The following PIP5K1B variants were observed in gnomAD, a reference collection of about 807,000 sequenced individuals.
PIP5K1B encodes the protein phosphatidylinositol-4-phosphate 5-kinase type 1 beta.
In PIP5K1B, 42 loss-of-function variants were observed where a neutral mutation model predicts 67.0. That is an observed-to-expected ratio of 0.63 (90% CI 0.49 to 0.81). The LOEUF is 0.81. Ranked by LOEUF, PIP5K1B falls within the 30% of genes least tolerant of loss-of-function variation. The pLI, the probability that PIP5K1B is intolerant of heterozygous loss-of-function variation, is 0.00. For synonymous variants in PIP5K1B, 214 were observed against 231.4 expected (o/e 0.92, Z 0.68); for missense variants, 459 against 646.3 (o/e 0.71, Z 3.14).
Position 68,919,731 on chromosome 9 carries a change from T to A in PIP5K1B, c.1116+2T>A, listed in dbSNP as rs1826271342. ...TGGAAAGCTCTTGTTTATGATGGGG[T>A]AAGTGACTTATTTTCCTTATTATAC... is the stretch of plus-strand genomic sequence containing the variant. On this transcript the variant is annotated splice_donor_variant, in intron 11 of 15. Coordinates refer to ENST00000265382, the MANE Select transcript of PIP5K1B (RefSeq NM_003558.4). LOFTEE classifies it high-confidence loss of function. 1 of 1,522,666 alleles carries A rather than the reference T, an allele frequency of 6.6e-7. No individual in the cohort carries two copies. The highest frequency in any genetic ancestry group is 9.1e-7 in the Non-Finnish European group (1 of 1,098,626). 94.3% of individuals were successfully genotyped at this position (1,522,666 alleles called of 1,614,324 possible).
intron 4 of PIP5K1B, among the ~76,000 whole-genome samples, chr9:68,855,866 G>A (rs1021060044): frequency 6.6e-6 from 1 of 152,190 alleles, no homozygotes; most frequent in Admixed American, 6.5e-5. Context: ...TCTTGCTTCT[G>A]AGTTCTTCAA....
At chr9:68,949,578 A>G (rs1328765871) in intron 14 of PIP5K1B, among the ~76,000 whole-genome samples, 1 of 152,256 alleles carries the variant, frequency 6.6e-6, no homozygotes, top group African/African-American at 2.4e-5. Flanking sequence ...AGTAAGGAGA[A>G]CAGGACCTCA....
chr9:68,899,671 C>T (rs1288975604), intron 8 of PIP5K1B, among the ~76,000 whole-genome samples: 1 of 152,222 alleles, frequency 6.6e-6, no homozygotes, highest in Non-Finnish European at 1.5e-5. Flanking sequence ...GGTTGTCCTC[C>T]TATCAAGAGT....
intron 2 of PIP5K1B, among the ~76,000 whole-genome samples, chr9:68,745,946 T>G (rs183721595): frequency 4.6e-5 from 7 of 152,344 alleles, no homozygotes; most frequent in African/African-American, 7.2e-5. Flanking sequence ...AAAATTCATG[T>G]CTGTTTTATT....
At chr9:68,840,213 C>T (rs1211168623) in intron 4 of PIP5K1B, among the ~76,000 whole-genome samples, 1 of 152,022 alleles carries the variant, frequency 6.6e-6, no homozygotes, top group African/African-American at 2.4e-5. Context: ...CCCGTCTCTA[C>T]TAAAAATACA....
intron 12 of PIP5K1B, among the ~76,000 whole-genome samples, chr9:68,933,357 G>T (rs946290898): frequency 1.1e-4 from 17 of 152,106 alleles, no homozygotes; most frequent in African/African-American, 4.1e-4. Flanking sequence ...GACAATAATG[G>T]CTTCTTCCTT....
At chr9:68,903,276 T>C (rs1043233757) in intron 8 of PIP5K1B, among the ~76,000 whole-genome samples, 20 of 152,214 alleles carry the variant, frequency 1.3e-4, no homozygotes, top group African/African-American at 4.8e-4. Context: ...ATTCTTGGAA[T>C]AGTGAATCTT....
intron 2 of PIP5K1B, among the ~76,000 whole-genome samples, chr9:68,807,582 G>A (rs1401208238): frequency 6.6e-6 from 1 of 152,156 alleles, no homozygotes; most frequent in Non-Finnish European, 1.5e-5. Context: ...TGTGGCTTTG[G>A]TTTCTCAATA....
chr9:68,973,354 T>C (rs1269743927), intron 14 of PIP5K1B, among the ~76,000 whole-genome samples: 1 of 152,224 alleles, frequency 6.6e-6, no homozygotes. Flanking sequence ...GCATTTTTAG[T>C]AATAGCCATT....
chr9:68,865,568 T>C (rs1823315476), intron 5 of PIP5K1B, among the ~76,000 whole-genome samples: 1 of 152,124 alleles, frequency 6.6e-6, no homozygotes, highest in African/African-American at 2.4e-5. Context: ...GCATTACAGC[T>C]GAAGGTGGGG....
chr9:68,827,221 T>G (rs911171227), intron 4 of PIP5K1B, among the ~76,000 whole-genome samples: 21 of 152,132 alleles, frequency 1.4e-4, no homozygotes, highest in African/African-American at 4.3e-4. Flanking sequence ...GGGAAAGTAG[T>G]AGGCAGTTTT....
At chr9:68,968,909 G>A (rs920236774) in intron 14 of PIP5K1B, among the ~76,000 whole-genome samples, 1 of 151,872 alleles carries the variant, frequency 6.6e-6, no homozygotes. Flanking sequence ...TCATGCTGGG[G>A]GTTTTATTTG....
chr9:68,854,749 G>A (rs1454765540), intron 4 of PIP5K1B, among the ~76,000 whole-genome samples: 1 of 152,086 alleles, frequency 6.6e-6, no homozygotes, highest in Non-Finnish European at 1.5e-5. Context: ...ATAAAATTTA[G>A]AAAACTTGGG....
intron 9 of PIP5K1B, among the ~76,000 whole-genome samples, chr9:68,918,346 T>C (rs1302364646): frequency 6.6e-6 from 1 of 152,162 alleles, no homozygotes; most frequent in Non-Finnish European, 1.5e-5. Context: ...TGCCTTGGCT[T>C]CCCAAAGTGC....
chr9:69,003,063 CA>C (rs1410857137), intron 15 of PIP5K1B, among the ~76,000 whole-genome samples: 1 of 151,946 alleles, frequency 6.6e-6, no homozygotes, highest in Admixed American at 6.6e-5. Context: ...ACCCCGGAGC[CA>C]AGGAGATGAT....
At chr9:68,803,406 GA>G (rs1832708863) in intron 2 of PIP5K1B, among the ~76,000 whole-genome samples, 1 of 152,166 alleles carries the variant, frequency 6.6e-6, no homozygotes, top group Non-Finnish European at 1.5e-5. Context: ...AAAGAATTCG[GA>G]AGACCATGAG....
intron 14 of PIP5K1B, among the ~76,000 whole-genome samples, chr9:68,961,071 G>A (rs955459668): frequency 6.6e-6 from 1 of 152,018 alleles, no homozygotes; most frequent in Non-Finnish European, 1.5e-5. Context: ...TTAGCCGGGC[G>A]CGGTGGCGGG....
intron 12 of PIP5K1B, among the ~76,000 whole-genome samples, chr9:68,924,567 AT>A (rs1024714053): frequency 3.9e-5 from 6 of 152,006 alleles, no homozygotes; most frequent in African/African-American, 1.4e-4. Flanking sequence ...TTATATTGAT[AT>A]TTATTAAATT....
chr9:68,917,499 C>T (rs376999830), intron 8 of PIP5K1B, 49 bp from the exon 9 acceptor site: 92 of 1,342,008 alleles, frequency 6.9e-5, no homozygotes, highest in African/African-American at 6.3e-4. Flanking sequence ...GTAGATGAGA[C>T]GAACAGGCCT....
Sources: allele counts gnomAD v4.1 joint callset (sites outside exome capture counted in the v4.1 genomes callset), GRCh38; gene constraint gnomAD v4.1.1; transcripts MANE v1.5; gene names NCBI Gene and HGNC (gene_info 2026-07-23, HGNC 2026-07-21).